FRMD4A: variants seen among roughly 807,000 people sequenced by gnomAD.
FRMD4A encodes the protein FERM domain-containing protein 4A.
FRMD4A carries 29 observed loss-of-function variants against 129.1 expected under a neutral mutation model. That is an observed-to-expected ratio of 0.22 (90% confidence interval 0.17 to 0.31). The LOEUF is 0.31. Ranked by LOEUF, FRMD4A falls within the 10% of genes least tolerant of loss-of-function variation. FRMD4A has a pLI of 1.00. For synonymous variants in FRMD4A, 634 were observed against 571.6 expected, an observed-to-expected ratio of 1.11 and a Z score of -1.56; for missense variants, 1,272 against 1,375.8, an observed-to-expected ratio of 0.92 and a Z score of 1.19.
chr10:14,180,813 T>G (rs1024184842), intron 2 of FRMD4A, among the ~76,000 whole-genome samples: 4 of 152,254 alleles, frequency 2.6e-5, no homozygotes, highest in Non-Finnish European at 4.4e-5. Flanking sequence ...ATGGGTTGTA[T>G]GATTACTATT....
chr10:14,082,515 G>A (rs1835988258), intron 2 of FRMD4A, among the ~76,000 whole-genome samples: 1 of 152,138 alleles, frequency 6.6e-6, no homozygotes, highest in Non-Finnish European at 1.5e-5. Flanking sequence ...CCTCCATGCT[G>A]TGGTATCTGT....
chr10:13,845,250 C>A (rs1475163259), intron 3 of FRMD4A, among the ~76,000 whole-genome samples: 2 of 152,146 alleles, frequency 1.3e-5, no homozygotes, highest in Non-Finnish European at 2.9e-5. Flanking sequence ...GCCTGTCATC[C>A]TATGACCTTG....
intron 2 of FRMD4A, among the ~76,000 whole-genome samples, chr10:13,862,335 A>G (rs1425195295): frequency 1.3e-5 from 2 of 152,226 alleles, no homozygotes; most frequent in Non-Finnish European, 2.9e-5. Flanking sequence ...AATCGCAGTA[A>G]TAAAGAAGAT....
At chr10:13,775,541 T>C (rs765756277) in intron 6 of FRMD4A, among the ~76,000 whole-genome samples, 8 of 152,168 alleles carry the variant, frequency 5.3e-5, no homozygotes, top group Non-Finnish European at 1.0e-4. Flanking sequence ...ATGCGCTTTC[T>C]CTGGATTGAT....
chr10:14,192,901 G>A (rs932799530), intron 2 of FRMD4A, among the ~76,000 whole-genome samples: 4 of 152,322 alleles, frequency 2.6e-5, no homozygotes, highest in Middle Eastern at 3.4e-3. Flanking sequence ...ATAGGGTGCA[G>A]TTGTCACTGC....
At chr10:14,005,020 T>C (rs2131626705) in intron 2 of FRMD4A, among the ~76,000 whole-genome samples, 1 of 152,120 alleles carries the variant, frequency 6.6e-6, no homozygotes, top group East Asian at 1.9e-4. Flanking sequence ...CTTTCTTTCT[T>C]TCTTTCTTTC....
At chr10:14,304,099 G>T (rs1846270053) in intron 2 of FRMD4A, among the ~76,000 whole-genome samples, 3 of 152,170 alleles carry the variant, frequency 2.0e-5, no homozygotes. Flanking sequence ...GTGAACATGG[G>T]TATACAAATA....
intron 3 of FRMD4A, among the ~76,000 whole-genome samples, chr10:13,819,682 T>G (rs73579940): frequency 0.058 from 8,655 of 150,196 alleles, 757 homozygotes; most frequent in African/African-American, 0.19. Context: ...GGGCTCTAAG[T>G]GCCATTATAT....
intron 2 of FRMD4A, among the ~76,000 whole-genome samples, chr10:13,859,902 CT>C (rs1321096154): frequency 1.3e-5 from 2 of 152,184 alleles, no homozygotes; most frequent in Non-Finnish European, 2.9e-5. Flanking sequence ...GTTGGTCCTG[CT>C]GCTTACAAGG....
At chr10:14,145,370 C>A (rs59222724) in intron 2 of FRMD4A, among the ~76,000 whole-genome samples, 6,421 of 152,136 alleles carry the variant, frequency 0.042, 443 homozygotes, top group African/African-American at 0.15. Flanking sequence ...AAAACGAGTT[C>A]TATTTATAGG....
At chr10:14,148,123 C>T (rs1406161145) in intron 2 of FRMD4A, among the ~76,000 whole-genome samples, 3 of 152,114 alleles carry the variant, frequency 2.0e-5, no homozygotes, top group East Asian at 1.9e-4. Flanking sequence ...TACAATGTCA[C>T]GAGGTGTTGG....
At chr10:13,854,513 C>A (rs535846832) in intron 3 of FRMD4A, among the ~76,000 whole-genome samples, 1 of 152,052 alleles carries the variant, frequency 6.6e-6, no homozygotes, top group South Asian at 2.1e-4. Flanking sequence ...CTCCGCCTCC[C>A]AGGTTCAAGT....
intron 2 of FRMD4A, among the ~76,000 whole-genome samples, chr10:14,328,371 G>T (rs35353879): frequency 0.1 from 3,589 of 34,788 alleles, 276 homozygotes; most frequent in African/African-American, 0.23. Context: ...TGTGTGGGTG[G>T]GGGGGGGGGG....
chr10:13,881,888 C>T lies in FRMD4A; in HGVS notation c.46-22976G>A, dbSNP rs115942044. 3.4e-3 allele frequency among the ~76,000 whole-genome samples: 520 copies of T among 150,984 alleles called. 2 individuals are homozygous for T. The highest frequency in any genetic ancestry group is 0.012 in the African/African-American group (493 of 41,014). On this transcript the variant is annotated intron_variant, in intron 2 of 24. Transcript: ENST00000357447. ...GCTCCAAGTAAAGAATGAGTAGGTG[C>T]GTCCCAGGCAGGAAAGGGATGGGAG...
rs1490827324 is a variant in FRMD4A at position 13,740,516 on chromosome 10, C to T, written c.610G>A (p.Val204Ile). 4.5e-6 allele frequency: 7 copies of T among 1,568,718 alleles called. No individual in the cohort carries two copies. Among genetic ancestry groups the T allele is most frequent in the African/African-American group, 1.4e-5 (1 of 73,876 alleles). The change falls in exon 10 of 25, where the codon GTA (valine) becomes ATA (isoleucine). Residue 204 changes from valine (V) to isoleucine (I), a missense_variant. By Grantham distance (29) the Val-to-Ile change is conservative (BLOSUM62 3). This residue lies in a region of FRMD4A where 300 missense variants were observed against 483.6 expected (regional missense o/e 0.62). Coordinates refer to ENST00000357447, the MANE Select transcript of FRMD4A (RefSeq NM_018027.5). ...AGCTGGGAAGGGGCCACTTACTTTA[C>T]GATTGCTTGACCTCTTGTCTGACCG... ...LNGQTRGQAI[V>I]NYMSIVESLP...
intron 2 of FRMD4A, among the ~76,000 whole-genome samples, chr10:13,919,519 GA>G (rs1467530355): frequency 6.6e-6 from 1 of 151,956 alleles, no homozygotes; most frequent in African/African-American, 2.4e-5. Flanking sequence ...AAATTAAAAT[GA>G]ATTTAATGTA....
chr10:14,174,108 A>T (rs1319211099), intron 2 of FRMD4A, among the ~76,000 whole-genome samples: 1 of 151,878 alleles, frequency 6.6e-6, no homozygotes, highest in Non-Finnish European at 1.5e-5. Context: ...TGCCGTGCTT[A>T]AGCATCCCAC....
At chr10:14,226,195 T>G (rs1843429888) in intron 2 of FRMD4A, among the ~76,000 whole-genome samples, 1 of 152,182 alleles carries the variant, frequency 6.6e-6, no homozygotes, top group South Asian at 2.1e-4. Context: ...CATGGTGGTT[T>G]GCTGCACCTG....
At chr10:14,071,277 C>T (rs1835306022) in intron 2 of FRMD4A, among the ~76,000 whole-genome samples, 1 of 152,174 alleles carries the variant, frequency 6.6e-6, no homozygotes, top group African/African-American at 2.4e-5. Flanking sequence ...CTCTAAGAGA[C>T]CAAGATTAAA....
Sources: gnomAD v4.1 joint callset for allele counts (sites outside exome capture counted in the v4.1 genomes callset) on GRCh38, gnomAD v4.1.1 for gene constraint, gnomAD v4.1.1 regional missense constraint, MANE v1.5 for transcripts, NCBI Gene and HGNC (gene_info 2026-07-23, HGNC 2026-07-21) for gene names.